COPG2: variants seen among roughly 807,000 people sequenced by gnomAD.
The protein encoded by COPG2 is coatomer subunit gamma-2.
A neutral mutation model predicts 46.3 loss-of-function variants in COPG2; 37 were observed. That is an observed-to-expected ratio of 0.80 (90% CI 0.61 to 1.05). COPG2 has a LOEUF of 1.05. Among genes scored for constraint, COPG2 ranks in the 50% least tolerant of loss-of-function variants. The pLI, the probability that COPG2 is intolerant of heterozygous loss-of-function variation, is 0.00. For synonymous variants in COPG2, 159 were observed against 129.7 expected (o/e 1.23, Z -1.53); for missense variants, 427 against 387.8 (o/e 1.10, Z -0.85).
chr7:130,575,682 T>C (rs1793988760), intron 9 of COPG2, among the ~76,000 whole-genome samples: 1 of 151,956 alleles, frequency 6.6e-6, no homozygotes, highest in Non-Finnish European at 1.5e-5. Context: ...AAAACCAAAG[T>C]ACACAGGCAA....
At position 130,646,944 on chromosome 7, in the gene COPG2, T is replaced by C. The variant is rs1554458315; in HGVS notation, c.323+5925A>G. Among the ~76,000 whole-genome samples, 695 of 103,448 alleles carry C rather than the reference T, an allele frequency of 6.7e-3. 9 individuals are homozygous for C. Among genetic ancestry groups the C allele is most frequent in the African/African-American group, 0.044 (662 of 15,166 alleles). The allele number at this position is 103,448 out of a possible 152,430, so 67.9% of individuals were successfully genotyped here. A position where few individuals can be genotyped will look rare whatever the true frequency, so the allele number is the denominator to read the frequency against. On this transcript the variant is annotated intron_variant, in intron 5 of 23. Transcript: ENST00000425248. ...GTTTGTGTGTGTATATATATATACG[T>C]ATATATATATATGCATATATATATG...
rs782502377 is a variant in COPG2 at position 130,652,877 on chromosome 7, G to T, written c.315C>A (p.Val105=). ...TTTGACCATTTACATACCTGCTTGT[G>T]ACAATTATCACATCCTCAGAGATGG... is the stretch of plus-strand genomic sequence containing the variant. ...MATISEDVII[V]TSSLTKDMTG... Residue 105 remains valine (V), a synonymous_variant, in exon 5 of 24, where the codon GTC becomes GTA. Coordinates refer to ENST00000425248, the MANE Select transcript of COPG2 (RefSeq NM_012133.6). 14 of 1,598,190 alleles carry T rather than the reference G, an allele frequency of 8.8e-6. No individual in the cohort carries two copies. Among genetic ancestry groups the T allele is most frequent in the African/African-American group, 1.3e-5 (1 of 74,656 alleles).
At chr7:130,651,086 A>G (rs556423127) in intron 5 of COPG2, among the ~76,000 whole-genome samples, 1 of 152,274 alleles carries the variant, frequency 6.6e-6, no homozygotes, top group South Asian at 2.1e-4. Flanking sequence ...CTCCTCTACA[A>G]TTTATTATGT....
At chr7:130,624,516 A>T (rs1329440483) in intron 5 of COPG2, among the ~76,000 whole-genome samples, 1 of 151,954 alleles carries the variant, frequency 6.6e-6, no homozygotes, top group African/African-American at 2.4e-5. Flanking sequence ...TGCACCCATC[A>T]CCCAAGCAGT....
At chr7:130,650,095 C>T (rs981808911) in intron 5 of COPG2, among the ~76,000 whole-genome samples, 8 of 152,248 alleles carry the variant, frequency 5.3e-5, no homozygotes, top group Middle Eastern at 3.4e-3. Context: ...CCCTCTTCCC[C>T]CATCTCCAAA....
intron 12 of COPG2, among the ~76,000 whole-genome samples, chr7:130,560,738 G>T (rs907498990): frequency 1.1e-4 from 17 of 152,138 alleles, no homozygotes; most frequent in Non-Finnish European, 2.2e-4. Flanking sequence ...ACAAATTATG[G>T]TGGAATACAG....
chr7:130,552,284 A>G, intron 15 of COPG2, 71 bp downstream of exon 15: 1 of 397,010 alleles, frequency 2.5e-6, no homozygotes, highest in Non-Finnish European at 4.4e-6. Flanking sequence ...GCCCTATGGT[A>G]GAATGAGGAT....
chr7:130,562,438 TTTC>T (rs1407022366), intron 11 of COPG2, among the ~76,000 whole-genome samples: 1 of 152,232 alleles, frequency 6.6e-6, no homozygotes, highest in Non-Finnish European at 1.5e-5. Flanking sequence ...AAACTTCTCT[TTTC>T]TTCGACTGTT....
At chr7:130,527,179 T>C (rs997898884) in intron 20 of COPG2, among the ~76,000 whole-genome samples, 1 of 151,448 alleles carries the variant, frequency 6.6e-6, no homozygotes, top group Admixed American at 6.6e-5. Flanking sequence ...GACAGTCATA[T>C]GGGTAGGTGG....
intron 5 of COPG2, among the ~76,000 whole-genome samples, chr7:130,631,311 T>C (rs1795226651): frequency 6.6e-6 from 1 of 151,590 alleles, no homozygotes; most frequent in African/African-American, 2.4e-5. Context: ...GCACGTGCCA[T>C]CACACCTGGC....
chr7:130,515,782 G>A (rs979930571), intron 20 of COPG2, among the ~76,000 whole-genome samples: 1 of 152,130 alleles, frequency 6.6e-6, no homozygotes, highest in Non-Finnish European at 1.5e-5. Flanking sequence ...TGAACTTGCA[G>A]CACAGTAAGC....
chr7:130,650,667 T>C (rs137931445), intron 5 of COPG2, among the ~76,000 whole-genome samples: 149 of 152,312 alleles, frequency 9.8e-4, no homozygotes, highest in African/African-American at 3.4e-3. Flanking sequence ...ATACTCACTT[T>C]CCTGGCTTCC....
chr7:130,540,443 C>T (rs1274039667), intron 20 of COPG2, among the ~76,000 whole-genome samples: 2 of 151,934 alleles, frequency 1.3e-5, no homozygotes, highest in Admixed American at 6.6e-5. Context: ...ATAGTAAGCA[C>T]CCATAAGAAA....
At chr7:130,623,932 T>C (rs1257575115) in intron 5 of COPG2, among the ~76,000 whole-genome samples, 1 of 152,230 alleles carries the variant, frequency 6.6e-6, no homozygotes, top group East Asian at 1.9e-4. Context: ...TTTGGGCTGC[T>C]ATAACAAAAT....
chr7:130,597,332 G>A (rs1794549302), intron 9 of COPG2, among the ~76,000 whole-genome samples: 1 of 152,214 alleles, frequency 6.6e-6, no homozygotes. Context: ...GTCTGATCTA[G>A]CCTACTGCAG....
chr7:130,664,272 A>G (rs1182723474), intron 3 of COPG2, among the ~76,000 whole-genome samples: 1 of 152,200 alleles, frequency 6.6e-6, no homozygotes, highest in Non-Finnish European at 1.5e-5. Flanking sequence ...TCTTCAATCT[A>G]TTTGCCATAG....
At chr7:130,520,433 A>G (rs1008315994) in intron 20 of COPG2, among the ~76,000 whole-genome samples, 10 of 152,230 alleles carry the variant, frequency 6.6e-5, no homozygotes, top group African/African-American at 2.2e-4. Context: ...TATTATTGAG[A>G]CCAGAATGAG....
intron 20 of COPG2, among the ~76,000 whole-genome samples, chr7:130,516,334 G>A (rs1799677896): frequency 6.6e-6 from 1 of 152,090 alleles, no homozygotes; most frequent in Non-Finnish European, 1.5e-5. Context: ...TTGAATGAGG[G>A]AGACAGTGGG....
intron 6 of COPG2, 120 bp downstream of exon 6, chr7:130,616,870 C>T: frequency 5.2e-6 from 3 of 574,966 alleles, no homozygotes; most frequent in Non-Finnish European, 9.2e-6. Flanking sequence ...TTCTGGTGAT[C>T]ATGTTTCTCT....
Sources: gnomAD v4.1 joint callset for allele counts (sites outside exome capture counted in the v4.1 genomes callset) on GRCh38, gnomAD v4.1.1 for gene constraint, MANE v1.5 for transcripts, NCBI Gene and HGNC (gene_info 2026-07-23, HGNC 2026-07-21) for gene names.